TP53BP1: variants seen among roughly 807,000 people sequenced by gnomAD.
TP53BP1 encodes the protein tumor protein p53 binding protein 1.
In TP53BP1, 61 loss-of-function variants were observed where a neutral mutation model predicts 200.8. The ratio of observed to expected loss-of-function variants is 0.30; its 90% CI spans 0.25 to 0.38. TP53BP1 has a LOEUF of 0.38. TP53BP1 is among the 10% of genes least tolerant of loss of function. TP53BP1 has a pLI of 1.00. For synonymous variants in TP53BP1, 822 were observed against 844.3 expected (o/e 0.97, Z 0.46); for missense variants, 2,144 against 2,371.9 (o/e 0.90, Z 2.00).
At chr15:43,450,445 G>GA (rs1286813328) in intron 12 of TP53BP1, among the ~76,000 whole-genome samples, 3 of 152,188 alleles carry the variant, frequency 2.0e-5, no homozygotes, top group African/African-American at 7.2e-5. Context: ...AGCCAATTAA[G>GA]ATGGCATTCT....
intron 23 of TP53BP1, 67 bp downstream of exon 23, chr15:43,415,527 T>C: frequency 1.3e-6 from 2 of 1,560,494 alleles, no homozygotes; most frequent in East Asian, 2.2e-5. Context: ...AAGCTCCATT[T>C]TTCCAGCAGC....
intron 18 of TP53BP1, among the ~76,000 whole-genome samples, chr15:43,425,928 G>T (rs577434068): frequency 6.6e-6 from 1 of 151,588 alleles, no homozygotes. Flanking sequence ...AGCCGGGCGC[G>T]GTGGCGGGCA....
At chr15:43,417,622 A>G (rs1168508744) in intron 21 of TP53BP1, among the ~76,000 whole-genome samples, 1 of 152,202 alleles carries the variant, frequency 6.6e-6, no homozygotes, top group Non-Finnish European at 1.5e-5. Context: ...CTTGTTACAG[A>G]ACTCCGTCTT....
At chr15:43,439,679 T>C (rs2045882360) in intron 15 of TP53BP1, among the ~76,000 whole-genome samples, 1 of 152,210 alleles carries the variant, frequency 6.6e-6, no homozygotes, top group Non-Finnish European at 1.5e-5. Context: ...GATTCTTATA[T>C]AGAAAAATTT....
chr15:43,509,195 G>T (rs1199845776), intron 1 of TP53BP1, among the ~76,000 whole-genome samples: 1 of 102,024 alleles, frequency 9.8e-6, no homozygotes, highest in African/African-American at 4.4e-5. Flanking sequence ...AAACGGGGGG[G>T]GGGGGGGCAG....
intron 16 of TP53BP1, 119 bp downstream of exon 16, chr15:43,438,205 G>A: frequency 1.3e-6 from 1 of 759,376 alleles, no homozygotes; most frequent in Non-Finnish European, 2.1e-6. Flanking sequence ...TGTTGCACTG[G>A]GGGTTAAGTT....
At chr15:43,418,523 T>C (rs1442785805) in intron 21 of TP53BP1, among the ~76,000 whole-genome samples, 1 of 147,758 alleles carries the variant, frequency 6.8e-6, no homozygotes, top group Admixed American at 6.7e-5. Context: ...AAAAAAAAGA[T>C]AGAAAGAAAG....
At chr15:43,459,567 T>C (rs1168058947) in intron 11 of TP53BP1, among the ~76,000 whole-genome samples, 1 of 152,116 alleles carries the variant, frequency 6.6e-6, no homozygotes, top group Non-Finnish European at 1.5e-5. Flanking sequence ...AATATGAATA[T>C]GTATAATACA....
intron 12 of TP53BP1, among the ~76,000 whole-genome samples, chr15:43,448,772 G>A (rs2439846): frequency 0.46 from 69,848 of 151,886 alleles, 20,820 homozygotes; most frequent in African/African-American, 0.85. Flanking sequence ...AGGAGATAAA[G>A]AGAGAAAAAG....
At chr15:43,479,316 A>G in intron 7 of TP53BP1, 81 bp downstream of exon 7, 2 of 1,378,296 alleles carry the variant, frequency 1.5e-6, no homozygotes, top group Non-Finnish European at 1.9e-6. Context: ...ACAATTTCTA[A>G]AAATGTTTTC....
intron 4 of TP53BP1, among the ~76,000 whole-genome samples, chr15:43,488,625 G>A (rs947055861): frequency 6.6e-5 from 10 of 152,272 alleles, no homozygotes; most frequent in Non-Finnish European, 1.2e-4. Context: ...CAGGCAAGGT[G>A]GTTCACACCT....
At chr15:43,500,305 T>C (rs1466916510) in intron 1 of TP53BP1, among the ~76,000 whole-genome samples, 1 of 151,874 alleles carries the variant, frequency 6.6e-6, no homozygotes, top group Non-Finnish European at 1.5e-5. Flanking sequence ...GAAGATACTG[T>C]CTTTTTATTA....
intron 14 of TP53BP1, among the ~76,000 whole-genome samples, chr15:43,441,884 G>A (rs1359996274): frequency 6.6e-6 from 1 of 151,860 alleles, no homozygotes; most frequent in Middle Eastern, 3.2e-3. Flanking sequence ...CGAGTAGCTG[G>A]GACTACAGGC....
chr15:43,469,389 G>A (rs918135271), intron 11 of TP53BP1, among the ~76,000 whole-genome samples: 6 of 151,974 alleles, frequency 3.9e-5, no homozygotes, highest in Admixed American at 2.6e-4. Context: ...GAATTATTAC[G>A]ACACAACATT....
chr15:43,404,301 CTGTAGAATT>C lies in TP53BP1; in HGVS notation c.*3073_*3081del. ...AGGAATGTGGGAAGGCCAGGTGGTT[CTGTAGAATT>C]TTGAACAAGGCTTTTCCAAGAAACT... is the stretch of plus-strand genomic sequence containing the variant. On this transcript the variant is annotated 3_prime_UTR_variant, in exon 28 of 28. Coordinates refer to ENST00000382044, the MANE Select transcript of TP53BP1 (RefSeq NM_001141980.3). 7.4e-7 allele frequency: 1 copy of C among 1,346,348 alleles called. No homozygotes were observed. Among genetic ancestry groups the C allele is most frequent in the Non-Finnish European group, 1.0e-6 (1 of 986,272 alleles). The allele number at this position is 1,346,348 out of a possible 1,614,324, so 83.4% of individuals were successfully genotyped here. A position where few individuals can be genotyped will look rare whatever the true frequency, so the allele number is the denominator to read the frequency against.
chr15:43,407,809 G>T, intron 27 of TP53BP1, 134 bp downstream of exon 27: 1 of 950,282 alleles, frequency 1.1e-6, no homozygotes. Context: ...ACCTCTTGAA[G>T]GTGGTACTTT....
chr15:43,445,702 C>T (rs1474995435), intron 14 of TP53BP1, among the ~76,000 whole-genome samples: 1 of 151,838 alleles, frequency 6.6e-6, no homozygotes, highest in Non-Finnish European at 1.5e-5. Context: ...TTTTTTCCTC[C>T]CCCTTACTTC....
In TP53BP1 at chr15:43,405,265, C is replaced by A; in HGVS notation, c.*2118G>T. 6.2e-7 allele frequency: 1 copy of A among 1,603,322 alleles called. No individual in the cohort carries two copies. The highest frequency in any genetic ancestry group is 8.5e-7 in the Non-Finnish European group (1 of 1,170,306). On this transcript the variant is annotated 3_prime_UTR_variant, in exon 28 of 28. Coordinates refer to ENST00000382044, the MANE Select transcript of TP53BP1 (RefSeq NM_001141980.3). ...AACAGCCACGTTCCCAAGGTTGTAACAGAAGATTCAAAACATCCCATTCTA... is the reference window on the plus strand; with the variant it reads ...AACAGCCACGTTCCCAAGGTTGTAAAAGAAGATTCAAAACATCCCATTCTA...
intron 9 of TP53BP1, 50 bp from the exon 10 acceptor site, chr15:43,474,817 G>T: frequency 1.5e-6 from 2 of 1,345,830 alleles, no homozygotes; most frequent in Non-Finnish European, 2.1e-6. Flanking sequence ...CCACAGTTTT[G>T]CATTTCTGTA....
Sources: gnomAD v4.1 joint callset for allele counts (sites outside exome capture counted in the v4.1 genomes callset) on GRCh38, gnomAD v4.1.1 for gene constraint, MANE v1.5 for transcripts, NCBI Gene and HGNC (gene_info 2026-07-23, HGNC 2026-07-21) for gene names.